RAPGEF4: variants seen among roughly 807,000 people sequenced by gnomAD.
The protein encoded by RAPGEF4 is RAP guanine-nucleotide-exchange factor (GEF) 4.
RAPGEF4 carries 66 observed loss-of-function variants against 147.9 expected under a neutral mutation model. That is an observed-to-expected ratio of 0.45 (90% CI 0.37 to 0.55). The LOEUF (loss-of-function observed/expected upper bound fraction) is 0.55. Among genes scored for constraint, RAPGEF4 ranks in the 20% least tolerant of loss-of-function variants. The probability of loss-of-function intolerance (pLI) is 0.00; values close to 1 mark genes in which losing one functional copy is unlikely to be tolerated. For synonymous variants in RAPGEF4, 419 were observed against 442.7 expected (o/e 0.95, Z 0.67); for missense variants, 1,071 against 1,257.3 (o/e 0.85, Z 2.24).
At chr2:172,913,372 A>G (rs577218525) in intron 4 of RAPGEF4, among the ~76,000 whole-genome samples, 9 of 152,346 alleles carry the variant, frequency 5.9e-5, no homozygotes, top group Non-Finnish European at 1.2e-4. Context: ...GCATTTGCCA[A>G]CCATCACTTC....
At chr2:172,857,266 G>A (rs1693533129) in intron 4 of RAPGEF4, among the ~76,000 whole-genome samples, 1 of 152,012 alleles carries the variant, frequency 6.6e-6, no homozygotes, top group Non-Finnish European at 1.5e-5. Flanking sequence ...ATGATTTGAA[G>A]ACAGGCAAAT....
intron 2 of RAPGEF4, among the ~76,000 whole-genome samples, 154 bp from the exon 3 acceptor site, chr2:172,797,371 G>A (rs1426949364): frequency 6.6e-6 from 1 of 152,182 alleles, no homozygotes; most frequent in Non-Finnish European, 1.5e-5. Flanking sequence ...ATGAGGTAAA[G>A]AAAAACATGT....
chr2:173,003,481 T>C (rs1366250478), intron 17 of RAPGEF4, among the ~76,000 whole-genome samples: 2 of 152,220 alleles, frequency 1.3e-5, no homozygotes, highest in Non-Finnish European at 2.9e-5. Context: ...CTGTTCTATT[T>C]TGAATCAGCT....
intron 3 of RAPGEF4, among the ~76,000 whole-genome samples, chr2:172,804,167 T>C (rs1687250685): frequency 6.6e-6 from 1 of 152,206 alleles, no homozygotes. Context: ...GGTAGAAAGA[T>C]ATATCTGTAT....
chr2:172,918,174 C>A, intron 5 of RAPGEF4: 1 of 503,748 alleles, frequency 2.0e-6, no homozygotes, highest in Non-Finnish European at 3.7e-6. Flanking sequence ...TCTTTCTGTG[C>A]CCTTTTAAAG....
intron 6 of RAPGEF4, among the ~76,000 whole-genome samples, chr2:172,937,171 T>C (rs1297688951): frequency 6.6e-6 from 1 of 151,848 alleles, no homozygotes; most frequent in Non-Finnish European, 1.5e-5. Context: ...CTGTGAGTTA[T>C]GATTATGCCA....
At chr2:172,974,178 A>G (rs1690812766) in intron 10 of RAPGEF4, among the ~76,000 whole-genome samples, 1 of 152,190 alleles carries the variant, frequency 6.6e-6, no homozygotes, top group Non-Finnish European at 1.5e-5. Context: ...TTTATGGACA[A>G]GGAGACAGAG....
rs549416254 is a variant in RAPGEF4, at chr2:172,933,110, C to A, written c.537+10810C>A. 3.4e-4 allele frequency among the ~76,000 whole-genome samples: 51 copies of A among 152,060 alleles called. 1 individual carries two copies. Among genetic ancestry groups the A allele is most frequent in the Non-Finnish European group, 4.0e-4 (27 of 68,026 alleles). On this transcript the variant is annotated intron_variant, in intron 6 of 30. Coordinates refer to ENST00000397081, the MANE Select transcript of RAPGEF4 (RefSeq NM_007023.4). ...TTCTTCTTCTTGGTTTTTATGTATG[C>A]AAGCACTGGGAAAACTCATTCACAA...
At chr2:172,960,542 T>G (rs573037322) in intron 6 of RAPGEF4, among the ~76,000 whole-genome samples, 1 of 152,342 alleles carries the variant, frequency 6.6e-6, no homozygotes, top group African/African-American at 2.4e-5. Context: ...TTTTCATTTG[T>G]AATAATTTAT....
chr2:172,782,513 A>C lies in RAPGEF4; in HGVS notation c.66-12512A>C, dbSNP rs73979550. On this transcript the variant is annotated intron_variant, in intron 1 of 30. Transcript: ENST00000397081. ...CCCCTTCTCTAACTCTTTCAACCCA[A>C]AGCCCTCCGTGGGCTCTCCTACTAT... Among the ~76,000 whole-genome samples the C allele has an allele frequency of 7.2e-3, 1,103 of 152,268 alleles. 16 individuals are homozygous for C. The highest frequency in any genetic ancestry group is 0.025 in the African/African-American group (1,026 of 41,534).
chr2:172,792,189 G>A (rs1274521210), intron 1 of RAPGEF4, among the ~76,000 whole-genome samples: 2 of 152,224 alleles, frequency 1.3e-5, no homozygotes, highest in East Asian at 3.8e-4. Context: ...GGATCCCCCA[G>A]TAGGGGCGCC....
In RAPGEF4 at chr2:172,983,630, A is replaced by G. The variant is rs2290372; in HGVS notation, c.1089+50A>G. 7.4e-3 allele frequency: 11,884 copies of G among 1,603,548 alleles called. 320 individuals carry two copies. In the East Asian group the frequency reaches 0.077, roughly 10 times the overall value. On this transcript the variant is annotated intron_variant, in intron 11 of 30. Transcript: ENST00000397081. ...GGTTGGAGCACTTTGCAATAAATGC[A>G]CTGTTAGGACAGAGGAGAGTATTAC...
At chr2:172,760,170 C>T (rs766996039) in intron 1 of RAPGEF4, among the ~76,000 whole-genome samples, 2 of 152,320 alleles carry the variant, frequency 1.3e-5, no homozygotes, top group East Asian at 1.9e-4. Flanking sequence ...CACAGGCTTA[C>T]CTCCACCCCC....
At chr2:172,761,851 T>A (rs1447986827) in intron 1 of RAPGEF4, among the ~76,000 whole-genome samples, 1 of 151,944 alleles carries the variant, frequency 6.6e-6, no homozygotes, top group Non-Finnish European at 1.5e-5. Context: ...CGGCCTGGCA[T>A]GGTGGCTCAT....
chr2:172,836,296 A>AT (rs147994902), intron 4 of RAPGEF4, among the ~76,000 whole-genome samples: 2,277 of 152,300 alleles, frequency 0.015, 19 homozygotes, highest in South Asian at 0.034. Context: ...GTCTATGGCA[A>AT]TTTCCAGGAG....
At chr2:172,748,091 G>A (rs1694938435) in intron 1 of RAPGEF4, among the ~76,000 whole-genome samples, 1 of 152,028 alleles carries the variant, frequency 6.6e-6, no homozygotes, top group Admixed American at 6.6e-5. Flanking sequence ...AGACATTTAG[G>A]TTGTTTTCTT....
chr2:173,031,187 C>T (rs1189661220), intron 26 of RAPGEF4, among the ~76,000 whole-genome samples: 1 of 152,084 alleles, frequency 6.6e-6, no homozygotes, highest in African/African-American at 2.4e-5. Flanking sequence ...TAAATGTTTC[C>T]ATTGTTTGTA....
intron 26 of RAPGEF4, 60 bp from the exon 27 acceptor site, chr2:173,033,854 T>C: frequency 6.7e-7 from 1 of 1,486,784 alleles, no homozygotes; most frequent in East Asian, 2.3e-5. Flanking sequence ...TGGTAACCCA[T>C]GATACATATC....
At chr2:173,036,314 TCC>T in intron 28 of RAPGEF4, 102 bp downstream of exon 28, 1 of 944,130 alleles carries the variant, frequency 1.1e-6, no homozygotes, top group Non-Finnish European at 1.7e-6. Context: ...GAATGATCGA[TCC>T]CATCCTTCTG....
Sources: allele counts gnomAD v4.1 joint callset (sites outside exome capture counted in the v4.1 genomes callset), GRCh38; gene constraint gnomAD v4.1.1; transcripts MANE v1.5; gene names NCBI Gene and HGNC (gene_info 2026-07-23, HGNC 2026-07-21).